PRDM1: variants seen among roughly 807,000 people sequenced by gnomAD.
The protein encoded by PRDM1 is PR domain zinc finger protein 1.
PRDM1 carries 13 observed loss-of-function variants against 62.8 expected under a neutral mutation model. That is an observed-to-expected ratio of 0.21 (90% CI 0.13 to 0.33). The LOEUF (loss-of-function observed/expected upper bound fraction) is 0.33. Ranked by LOEUF, PRDM1 falls within the 10% of genes least tolerant of loss-of-function variation. The probability of loss-of-function intolerance (pLI) is 1.00; values close to 1 mark genes in which losing one functional copy is unlikely to be tolerated. For missense variants in PRDM1, 895 were observed against 1,058.8 expected, an observed-to-expected ratio of 0.85 and a Z score of 2.15; for synonymous variants, 396 against 417.6, an observed-to-expected ratio of 0.95 and a Z score of 0.63.
At chr6:106,009,238 G>A (rs1772517040) in intron 1 of PRDM1, among the ~76,000 whole-genome samples, 1 of 152,204 alleles carries the variant, frequency 6.6e-6, no homozygotes, top group African/African-American at 2.4e-5. Flanking sequence ...TTTGAAGTAT[G>A]TATGTGACAA....
At chr6:106,065,871 T>G (rs1773424983) in intron 1 of PRDM1, among the ~76,000 whole-genome samples, 1 of 152,206 alleles carries the variant, frequency 6.6e-6, no homozygotes, top group South Asian at 2.1e-4. Context: ...CCTGCTGTAC[T>G]TGTCTCTCTA....
At chr6:106,053,160 T>G (rs182366016) in intron 1 of PRDM1, among the ~76,000 whole-genome samples, 4 of 152,342 alleles carry the variant, frequency 2.6e-5, no homozygotes, top group African/African-American at 9.6e-5. Flanking sequence ...ATTTCATTTC[T>G]GCCTTCATCC....
rs1199256222 is a variant in PRDM1, at chr6:106,109,255, T to TA, written c.*1770dup. 1.3e-5 allele frequency: 3 copies of TA among 232,286 alleles called. No individual in the cohort carries two copies. The highest frequency in any genetic ancestry group is 6.6e-5 in the African/African-American group (3 of 45,384). The allele number at this position is 232,286 out of a possible 1,614,324, so 14.4% of individuals were successfully genotyped here. ...CACAAAACAACCAGGGAGGAAGAGATACATCATTTTTTAGTATTAAGGACC... is the reference window on the plus strand; with the variant it reads ...CACAAAACAACCAGGGAGGAAGAGATAACATCATTTTTTAGTATTAAGGACC... On this transcript the variant is annotated 3_prime_UTR_variant, in exon 7 of 7. Coordinates refer to ENST00000369096, the MANE Select transcript of PRDM1 (RefSeq NM_001198.4).
chr6:106,060,015 G>C (rs1036725416), intron 1 of PRDM1, among the ~76,000 whole-genome samples: 8 of 152,192 alleles, frequency 5.3e-5, no homozygotes, highest in Admixed American at 4.6e-4. Flanking sequence ...AATAAAGTTG[G>C]CAAGTAGGAA....
chr6:106,092,144 AAAAC>A (rs1274298979), intron 2 of PRDM1, among the ~76,000 whole-genome samples: 2 of 147,650 alleles, frequency 1.4e-5, no homozygotes, highest in Non-Finnish European at 3.0e-5. Context: ...AAAAAAAAAA[AAAAC>A]AAACCTATAT....
At chr6:106,094,345 A>G (rs1417672074) in intron 2 of PRDM1, among the ~76,000 whole-genome samples, 1 of 152,254 alleles carries the variant, frequency 6.6e-6, no homozygotes, top group Non-Finnish European at 1.5e-5. Flanking sequence ...GAGAATAAAA[A>G]CCAAAACAAA....
At chr6:106,068,720 A>G (rs1445686466) in intron 1 of PRDM1, among the ~76,000 whole-genome samples, 3 of 152,168 alleles carry the variant, frequency 2.0e-5, no homozygotes, top group East Asian at 1.9e-4. Context: ...GACATTTTCA[A>G]CTCTACAAAC....
At chr6:106,041,954 C>A (rs1773004330) in intron 1 of PRDM1, among the ~76,000 whole-genome samples, 1 of 150,996 alleles carries the variant, frequency 6.6e-6, no homozygotes, top group African/African-American at 2.4e-5. Context: ...ACCACAGGTG[C>A]ATGCCACCGT....
chr6:106,016,147 A>G (rs1478437504), intron 1 of PRDM1, among the ~76,000 whole-genome samples: 1 of 152,244 alleles, frequency 6.6e-6, no homozygotes, highest in Non-Finnish European at 1.5e-5. Flanking sequence ...TGTAGCATGT[A>G]TCAGAATTTC....
chr6:106,077,758 A>T (rs1345283608), intron 1 of PRDM1, among the ~76,000 whole-genome samples: 1 of 152,256 alleles, frequency 6.6e-6, no homozygotes, highest in Non-Finnish European at 1.5e-5. Flanking sequence ...ATCACTGGAG[A>T]AACCTTTTCT....
At chr6:106,017,417 A>G (rs1438818939) in intron 1 of PRDM1, among the ~76,000 whole-genome samples, 2 of 152,274 alleles carry the variant, frequency 1.3e-5, no homozygotes, top group Non-Finnish European at 1.5e-5. Flanking sequence ...ACAGGCTAAT[A>G]GAAAACACTC....
intron 1 of PRDM1, among the ~76,000 whole-genome samples, chr6:106,001,441 T>C (rs767380980): frequency 2.6e-5 from 4 of 152,216 alleles, no homozygotes; most frequent in Non-Finnish European, 4.4e-5. Context: ...CTAAAAGTTA[T>C]AGATATAGTT....
intron 4 of PRDM1, chr6:106,099,816 A>G: frequency 2.2e-6 from 1 of 457,996 alleles, no homozygotes; most frequent in East Asian, 4.1e-5. Flanking sequence ...TATATGTCCA[A>G]TTCTAATTTA....
chr6:106,085,003 T>TA (rs1201911690), upstream of PRDM1, among the ~76,000 whole-genome samples: 4 of 152,012 alleles, frequency 2.6e-5, no homozygotes, highest in Non-Finnish European at 4.4e-5. Flanking sequence ...CCCTCTCCCC[T>TA]AAAAAAAATT....
intron 1 of PRDM1, among the ~76,000 whole-genome samples, chr6:106,080,740 A>C (rs1446262024): frequency 2.0e-5 from 3 of 152,200 alleles, no homozygotes; most frequent in African/African-American, 4.8e-5. Flanking sequence ...TTGTGGGATT[A>C]TCTCTCCTAA....
intron 3 of PRDM1, 117 bp from the exon 4 acceptor site, chr6:106,099,183 T>C (rs2114637497): frequency 5.0e-6 from 8 of 1,602,478 alleles, no homozygotes; most frequent in South Asian, 3.3e-5. Context: ...ATTCTTTTTC[T>C]AACTAGGCAG....
intron 1 of PRDM1, among the ~76,000 whole-genome samples, chr6:106,002,594 AC>A (rs1772439756): frequency 2.0e-5 from 3 of 152,240 alleles, no homozygotes; most frequent in Non-Finnish European, 4.4e-5. Flanking sequence ...TCTGCTTTAT[AC>A]AAACTTAGAA....
intron 1 of PRDM1, among the ~76,000 whole-genome samples, chr6:106,003,717 C>T (rs1326031180): frequency 6.6e-6 from 1 of 152,138 alleles, no homozygotes; most frequent in African/African-American, 2.4e-5. Flanking sequence ...TTATTCCTGT[C>T]TGATTGCTCC....
chr6:106,052,879 A>T (rs1023350402), intron 1 of PRDM1, among the ~76,000 whole-genome samples: 41 of 152,048 alleles, frequency 2.7e-4, no homozygotes, highest in African/African-American at 9.2e-4. Flanking sequence ...GAGGCAGGAG[A>T]ATCATTGAAC....
Sources: gnomAD v4.1 joint callset for allele counts (sites outside exome capture counted in the v4.1 genomes callset) on GRCh38, gnomAD v4.1.1 for gene constraint, MANE v1.5 for transcripts, NCBI Gene and HGNC (gene_info 2026-07-23, HGNC 2026-07-21) for gene names.